Variants in OTUD4 observed in about 807,000 individuals in gnomAD.
The protein encoded by OTUD4 is OTU deubiquitinase 4, also known as OTU domain-containing protein 4.
Under a neutral mutation model 130.4 loss-of-function variants are expected in OTUD4, and 24 were observed. The observed-to-expected ratio is 0.18, with a 90% CI of 0.13 to 0.26. The LOEUF is 0.26. Among genes scored for constraint, OTUD4 ranks in the 10% least tolerant of loss-of-function variants. The pLI is 1.00. For synonymous variants in OTUD4, 420 were observed against 472.5 expected (o/e 0.89, Z 1.44); for missense variants, 1,031 against 1,329.4 (o/e 0.78, Z 3.49).
chr4:145,179,635 C>T (rs1752594540), intron 1 of OTUD4, 180 bp downstream of exon 1: 2 of 1,395,612 alleles, frequency 1.4e-6, no homozygotes, highest in Non-Finnish European at 1.8e-6. Flanking sequence ...TTTCAATTTG[C>T]ACCTTTCAGA....
intron 3 of OTUD4, among the ~76,000 whole-genome samples, chr4:145,169,671 G>A (rs1312140441): frequency 1.3e-5 from 2 of 152,088 alleles, no homozygotes; most frequent in East Asian, 3.9e-4. Flanking sequence ...ATTTTTGGTA[G>A]AGACAGGGTT....
chr4:145,137,978 C>T lies in OTUD4; in HGVS notation c.2797G>A (p.Asp933Asn). 6.2e-7 allele frequency: 1 copy of T among 1,614,196 alleles called. No homozygotes were observed. The change falls in exon 21 of 21, where the codon GAC (aspartate) becomes AAC (asparagine). Residue 933 changes from aspartate (D) to asparagine (N), a missense_variant. Physicochemically the swap from Asp to Asn is conservative, Grantham distance 23 (BLOSUM62 1). Coordinates refer to ENST00000447906, the MANE Select transcript of OTUD4 (RefSeq NM_001366057.1). ...LPEASVSSKP[D>N]EGRTEQSSQT... is the part of the protein sequence containing the mutation. ...GAAGATTGCTCTGTCCGGCCTTCGT[C>T]CGGCTTACTGCTCACACTTGCTTCA...
At chr4:145,153,287 A>C (rs899046742) in intron 10 of OTUD4, among the ~76,000 whole-genome samples, 1 of 152,238 alleles carries the variant, frequency 6.6e-6, no homozygotes. Context: ...CTGGTTCTGA[A>C]GGCAGGGCTG....
intron 6 of OTUD4, among the ~76,000 whole-genome samples, chr4:145,162,159 A>G (rs1579274554): frequency 6.6e-6 from 1 of 152,140 alleles, no homozygotes; most frequent in East Asian, 1.9e-4. Context: ...TACTGCAACA[A>G]GTTTTTATTA....
At chr4:145,177,219 T>G (rs762478456) in intron 1 of OTUD4, among the ~76,000 whole-genome samples, 7 of 152,226 alleles carry the variant, frequency 4.6e-5, no homozygotes, top group African/African-American at 7.2e-5. Context: ...GGAGCTAGTC[T>G]TAAAGCCATT....
intron 6 of OTUD4, among the ~76,000 whole-genome samples, chr4:145,161,379 T>C (rs1041798264): frequency 6.6e-6 from 1 of 152,166 alleles, no homozygotes; most frequent in Non-Finnish European, 1.5e-5. Context: ...CACTTCGATA[T>C]CTTACAATGG....
Position 145,150,865 on chromosome 4 carries a change from A to G in OTUD4, c.1009T>C (p.Trp337Arg). The G allele has an allele frequency of 3.1e-6, 5 of 1,613,876 alleles. No homozygotes were observed. The highest frequency in any genetic ancestry group is 4.2e-6 in the Non-Finnish European group (5 of 1,179,922). ...KNLKAPPPES[W>R]NTVSGKKMKK... ...ATCTTCTTCCCTGACACTGTGTTCC[A>G]GCTTTCTGGGGGAGGTGCCTTGAGG... Residue 337 changes from tryptophan (W) to arginine (R), a missense_variant, in exon 12 of 21, where the codon TGG becomes CGG. Around this residue, in one of 3 missense-constraint regions of OTUD4, gnomAD observed 900 missense variants for 1,095.9 expected, o/e 0.82. Transcript: ENST00000447906.
intron 7 of OTUD4, chr4:145,159,191 C>CA (rs1330686137): frequency 6.5e-6 from 7 of 1,074,056 alleles, no homozygotes; most frequent in South Asian, 3.1e-5. Context: ...GAACAATTGA[C>CA]AAGTTAACTT....
In OTUD4 at chr4:145,136,064, C is replaced by T. The variant is rs547193890; in HGVS notation, c.*1366G>A. ...AATTACTACTATGTTATTTGCATAG[C>T]ACTCAAACTTCCTGATCAGAAGATA... On this transcript the variant is annotated 3_prime_UTR_variant, in exon 21 of 21. Transcript: ENST00000447906. 2.0e-5 allele frequency: 3 copies of T among 152,734 alleles called. No homozygotes were observed. In the South Asian group the frequency reaches 6.2e-4, roughly 32 times the overall value. 9.5% of individuals were successfully genotyped at this position (152,734 alleles called of 1,614,324 possible).
rs200170972 is a variant in OTUD4, at chr4:145,152,653, A to T, written c.874-18T>A. 410 of 1,424,754 alleles carry T rather than the reference A, an allele frequency of 2.9e-4. 1 individual carries two copies. The highest frequency in any genetic ancestry group is 5.3e-4 in the Middle Eastern group (3 of 5,638). The allele number at this position is 1,424,754 out of a possible 1,614,324, so 88.3% of individuals were successfully genotyped here. On this transcript the variant is annotated intron_variant, in intron 10 of 20. Transcript: ENST00000447906. ...AACCTAACCTGTTAAAAATTCCAAAAATGAAAAGGAAAAAAAAAATCAGTC... is the reference window on the plus strand; with the variant it reads ...AACCTAACCTGTTAAAAATTCCAAATATGAAAAGGAAAAAAAAAATCAGTC...
chr4:145,173,877 A>G (rs978100154), intron 2 of OTUD4, among the ~76,000 whole-genome samples: 14 of 152,224 alleles, frequency 9.2e-5, no homozygotes, highest in African/African-American at 3.1e-4. Context: ...CACTACTTAC[A>G]TAATTATAAT....
chr4:145,141,621 G>T lies in OTUD4; in HGVS notation c.1841C>A (p.Pro614His). The T allele has an allele frequency of 6.5e-7, 1 of 1,534,706 alleles. No homozygotes were observed. The highest frequency in any genetic ancestry group is 8.8e-7 in the Non-Finnish European group (1 of 1,140,526). The change falls in exon 19 of 21, where the codon CCC becomes CAC. Residue 614 changes from proline (P) to histidine (H), a missense_variant. This residue lies in a region of OTUD4 where 900 missense variants were observed against 1,095.9 expected (regional missense o/e 0.82). Coordinates refer to ENST00000447906, the MANE Select transcript of OTUD4 (RefSeq NM_001366057.1). ...CAAAGTCTGTGTCACTGACAAAACG[G>T]GAATTGGAGCAGGGACACCTACAAA... The part of the protein sequence containing the change: ...FGPTGVPAPI[P>H]VLSVTQTLTT...
Position 145,180,032 on chromosome 4 carries a change from C to T in OTUD4, c.-59G>A. The T allele has an allele frequency of 7.8e-7, 1 of 1,280,564 alleles. No individual in the cohort carries two copies. The highest frequency in any genetic ancestry group is 9.8e-7 in the Non-Finnish European group (1 of 1,016,738). 79.3% of individuals were successfully genotyped at this position (1,280,564 alleles called of 1,614,324 possible). On this transcript the variant is annotated 5_prime_UTR_variant, in exon 1 of 21. Coordinates refer to ENST00000447906, the MANE Select transcript of OTUD4 (RefSeq NM_001366057.1). The stretch of plus-strand genomic sequence containing the variant: ...GGGCTAGCCCCACATGGCCAGGCCG[C>T]CGGCTGCTCGACGCCCCGGCCTGGG...
intron 13 of OTUD4, among the ~76,000 whole-genome samples, chr4:145,150,233 A>C (rs1371959696): frequency 6.6e-6 from 1 of 152,224 alleles, no homozygotes; most frequent in Non-Finnish European, 1.5e-5. Flanking sequence ...CCAGAAAATA[A>C]TTAAGTGCCA....
chr4:145,148,602 C>T (rs1322520098), intron 13 of OTUD4, among the ~76,000 whole-genome samples: 2 of 152,058 alleles, frequency 1.3e-5, no homozygotes, highest in Non-Finnish European at 2.9e-5. Context: ...CAGAAACACA[C>T]TGGATTATAA....
chr4:145,179,708 C>CA, intron 1 of OTUD4, 107 bp downstream of exon 1: 2 of 1,415,170 alleles, frequency 1.4e-6, no homozygotes, highest in Non-Finnish European at 1.8e-6. Flanking sequence ...AGGGCACGCG[C>CA]AGCCCCGGCC....
At chr4:145,179,125 A>G in intron 1 of OTUD4, among the ~76,000 whole-genome samples, 1 of 152,236 alleles carries the variant, frequency 6.6e-6, no homozygotes, top group Admixed American at 6.5e-5. Flanking sequence ...TGGTTTTGAA[A>G]AGCTCCAGTT....
rs1479570619 is a variant in OTUD4, at chr4:145,155,986, CAGT to C, written c.637_639del (p.Thr213del). 1 of 1,608,592 alleles carries C rather than the reference CAGT, an allele frequency of 6.2e-7. No individual in the cohort carries two copies. Among genetic ancestry groups the C allele is most frequent in the Non-Finnish European group, 8.5e-7 (1 of 1,177,426 alleles). On this transcript the variant is annotated inframe_deletion, in exon 8 of 21. Coordinates refer to ENST00000447906, the MANE Select transcript of OTUD4 (RefSeq NM_001366057.1). ...CCATTCACATCAGCAGCAGCAGCAG[CAGT>C]CTTACTCCTACAAAGAAAGATAACC...
chr4:145,142,089 C>G, intron 18 of OTUD4, 107 bp downstream of exon 18: 1 of 905,244 alleles, frequency 1.1e-6, no homozygotes, highest in Non-Finnish European at 1.7e-6. Context: ...CTCTGTGAGG[C>G]TCCACACACC....
Sources: allele counts gnomAD v4.1 joint callset (sites outside exome capture counted in the v4.1 genomes callset), GRCh38; gene constraint gnomAD v4.1.1; regional missense constraint gnomAD v4.1.1; transcripts MANE v1.5; gene names NCBI Gene and HGNC (gene_info 2026-07-23, HGNC 2026-07-21).